AKAP6: variants seen among roughly 807,000 people sequenced by gnomAD.
AKAP6 encodes A-kinase anchoring protein 6.
Under a neutral mutation model 188.5 loss-of-function variants are expected in AKAP6, and 58 were observed. The observed-to-expected ratio is 0.31, with a 90% CI of 0.25 to 0.38. AKAP6 has a LOEUF of 0.38. Ranked by LOEUF, AKAP6 falls within the 10% of genes least tolerant of loss-of-function variation. The pLI is 1.00. For synonymous variants in AKAP6, 989 were observed against 998.6 expected, an observed-to-expected ratio of 0.99 and a Z score of 0.18; for missense variants, 2,710 against 2,740.0, an observed-to-expected ratio of 0.99 and a Z score of 0.24.
chr14:32,462,953 T>A (rs942815695), intron 2 of AKAP6, among the ~76,000 whole-genome samples: 29 of 51,126 alleles, frequency 5.7e-4, no homozygotes, highest in Admixed American at 1.0e-3. Context: ...TAATCTCTGA[T>A]AAAACAGTCT....
At chr14:32,566,977 C>T (rs576945082) in intron 4 of AKAP6, among the ~76,000 whole-genome samples, 122 of 152,064 alleles carry the variant, frequency 8.0e-4, no homozygotes, top group South Asian at 1.2e-3. Context: ...CAGGCTAGAG[C>T]GCAGTAGTGA....
rs541144440 is a variant in AKAP6 at position 32,615,682 on chromosome 14, G to A, written c.2730+14890G>A. On this transcript the variant is annotated intron_variant, in intron 7 of 13. Coordinates refer to ENST00000280979, the MANE Select transcript of AKAP6 (RefSeq NM_004274.5). The stretch of plus-strand genomic sequence containing the variant: ...ACGATATCTGCTCACTGCAAGCTCC[G>A]CCTCTCAGGTTCACGCCATTCTCCT... Among the ~76,000 whole-genome samples, 32 of 140,354 alleles carry A rather than the reference G, an allele frequency of 2.3e-4. No homozygotes were observed. The East Asian group carries it at 6.0e-3, about 26-fold the overall frequency. The allele number at this position is 140,354 out of a possible 152,430, so 92.1% of individuals were successfully genotyped here. A position where few individuals can be genotyped will look rare whatever the true frequency, so the allele number is the denominator to read the frequency against.
intron 2 of AKAP6, among the ~76,000 whole-genome samples, chr14:32,490,472 T>C (rs1406737414): frequency 6.6e-6 from 1 of 152,214 alleles, no homozygotes; most frequent in Non-Finnish European, 1.5e-5. Context: ...TATATAACTT[T>C]TATGTTATAT....
chr14:32,660,930 C>A lies in AKAP6; in HGVS notation c.2731-17381C>A, dbSNP rs1044639445. Among the ~76,000 whole-genome samples, 40 of 95,398 alleles carry A rather than the reference C, an allele frequency of 4.2e-4. 1 individual carries two copies. The highest frequency in any genetic ancestry group is 1.8e-3 in the African/African-American group (38 of 20,610). The allele number at this position is 95,398 out of a possible 152,430, so 62.6% of individuals were successfully genotyped here. A position where few individuals can be genotyped will look rare whatever the true frequency, so the allele number is the denominator to read the frequency against. On this transcript the variant is annotated intron_variant, in intron 7 of 13. Transcript: ENST00000280979. The stretch of plus-strand genomic sequence containing the variant: ...ATATATTTTCTTCCCCGCCACCCCC[C>A]CCCCTCCCAATTCCAGCCATTTGTC...
intron 12 of AKAP6, among the ~76,000 whole-genome samples, chr14:32,789,055 G>A (rs575607087): frequency 1.3e-5 from 2 of 152,276 alleles, no homozygotes; most frequent in Admixed American, 6.5e-5. Context: ...AATACAAACC[G>A]TATGAACAAG....
At chr14:32,349,058 A>G (rs1284243305) in intron 1 of AKAP6, among the ~76,000 whole-genome samples, 1 of 152,198 alleles carries the variant, frequency 6.6e-6, no homozygotes, top group Non-Finnish European at 1.5e-5. Flanking sequence ...AATTCATAAA[A>G]GAGATTCTCT....
chr14:32,393,862 G>C (rs1185346560), intron 1 of AKAP6, among the ~76,000 whole-genome samples: 1 of 152,016 alleles, frequency 6.6e-6, no homozygotes, highest in Non-Finnish European at 1.5e-5. Context: ...TGTATTTGAA[G>C]TTATTTGTTT....
rs1890391736 is a variant in AKAP6 at position 32,696,122 on chromosome 14, C to T, written c.3000+12C>T. 3 of 1,588,974 alleles carry T rather than the reference C, an allele frequency of 1.9e-6. No homozygotes were observed. Among genetic ancestry groups the T allele is most frequent in the Non-Finnish European group, 2.6e-6 (3 of 1,172,612 alleles). On this transcript the variant is annotated intron_variant, in intron 9 of 13. Transcript: ENST00000280979. ...AGCATCTTTACAAGGTTAGAGCTAC[C>T]CTTCCTGCCTTTACCTTGCTGTGGA...
At chr14:32,500,805 T>C (rs964816464) in intron 2 of AKAP6, among the ~76,000 whole-genome samples, 2 of 152,192 alleles carry the variant, frequency 1.3e-5, no homozygotes, top group African/African-American at 2.4e-5. Context: ...ATGATGGTCA[T>C]AGTCACCACC....
At chr14:32,792,074 T>C (rs965083598) in intron 12 of AKAP6, among the ~76,000 whole-genome samples, 6 of 152,196 alleles carry the variant, frequency 3.9e-5, no homozygotes, top group African/African-American at 1.2e-4. Flanking sequence ...AGCTTTGTTC[T>C]TTTTGCTTAG....
At chr14:32,612,694 C>G (rs1338431468) in intron 7 of AKAP6, among the ~76,000 whole-genome samples, 1 of 152,108 alleles carries the variant, frequency 6.6e-6, no homozygotes, top group African/African-American at 2.4e-5. Flanking sequence ...TTCCTTGAGG[C>G]AGGTCTAGTT....
intron 1 of AKAP6, chr14:32,376,136 A>G (rs1888151015): frequency 6.6e-6 from 1 of 152,224 alleles, no homozygotes; most frequent in South Asian, 2.1e-4. Flanking sequence ...AGCTCATCAA[A>G]GGTATTGGGA....
chr14:32,662,490 T>C (rs893710235), intron 7 of AKAP6, among the ~76,000 whole-genome samples: 1 of 152,150 alleles, frequency 6.6e-6, no homozygotes, highest in Admixed American at 6.6e-5. Context: ...GTTCTAGATT[T>C]GTCTGATTGT....
chr14:32,485,917 A>G (rs73267340), intron 2 of AKAP6, among the ~76,000 whole-genome samples: 10,307 of 152,030 alleles, frequency 0.068, 1,092 homozygotes, highest in African/African-American at 0.23. Context: ...GGTATTGCCT[A>G]GGTTTTCTTC....
intron 2 of AKAP6, among the ~76,000 whole-genome samples, chr14:32,480,070 T>C (rs142523314): frequency 1.6e-4 from 24 of 152,314 alleles, no homozygotes; most frequent in East Asian, 1.3e-3. Flanking sequence ...TCTGCAAATG[T>C]AAGGGAATTG....
intron 4 of AKAP6, among the ~76,000 whole-genome samples, chr14:32,566,959 C>G (rs1884218853): frequency 6.6e-6 from 1 of 152,052 alleles, no homozygotes; most frequent in Non-Finnish European, 1.5e-5. Context: ...GAGTCTTGCT[C>G]TGTCACCCAG....
intron 1 of AKAP6, among the ~76,000 whole-genome samples, chr14:32,379,148 T>C (rs1223164242): frequency 6.6e-6 from 1 of 152,162 alleles, no homozygotes; most frequent in Non-Finnish European, 1.5e-5. Flanking sequence ...CTCAAACTCC[T>C]GACCTCAGGT....
rs200427424 is a variant in AKAP6 at position 32,687,465 on chromosome 14, T to TC, written c.2880-8525_2880-8524insC. Among the ~76,000 whole-genome samples, 72 of 151,222 alleles carry TC rather than the reference T, an allele frequency of 4.8e-4. 1 individual carries two copies. The highest frequency in any genetic ancestry group is 1.4e-3 in the African/African-American group (58 of 41,174). Reference sequence around the variant, plus strand: ...CTTTCTCTCTTTCTCTTTTTTTTTTTTCTCTCTCTCTTACAAACACACACA... The same window carrying TC: ...CTTTCTCTCTTTCTCTTTTTTTTTTTCTCTCTCTCTCTTACAAACACACACA... On this transcript the variant is annotated intron_variant, in intron 8 of 13. Coordinates refer to ENST00000280979, the MANE Select transcript of AKAP6 (RefSeq NM_004274.5).
At chr14:32,741,553 T>G (rs141868128) in intron 11 of AKAP6, among the ~76,000 whole-genome samples, 2,137 of 152,068 alleles carry the variant, frequency 0.014, 21 homozygotes, top group Non-Finnish European at 0.022. Context: ...CATTTTTTTT[T>G]TAGGATTTTT....
Sources: allele counts gnomAD v4.1 joint callset (sites outside exome capture counted in the v4.1 genomes callset), GRCh38; gene constraint gnomAD v4.1.1; transcripts MANE v1.5; gene names NCBI Gene and HGNC (gene_info 2026-07-23, HGNC 2026-07-21).